SAMHD1: variants seen among roughly 807,000 people sequenced by gnomAD.
SAMHD1 encodes the protein SAM and HD domain containing deoxynucleoside triphosphate triphosphohydrolase 1.
SAMHD1 carries 54 observed loss-of-function variants against 79.6 expected under a neutral mutation model. The ratio of observed to expected loss-of-function variants is 0.68; its 90% CI spans 0.55 to 0.85. The LOEUF (loss-of-function observed/expected upper bound fraction) is 0.85, where lower values mean the gene tolerates loss of function less well. Among genes scored for constraint, SAMHD1 ranks in the 40% least tolerant of loss-of-function variants. The pLI is 0.00. For missense variants in SAMHD1, 663 were observed against 782.7 expected (o/e 0.85, Z 1.82); for synonymous variants, 260 against 264.1 (o/e 0.98, Z 0.15).
rs75103164 is a variant in SAMHD1, at chr20:36,899,743, C to T, written c.1504-1199G>A. On this transcript the variant is annotated intron_variant, in intron 13 of 15. Transcript: ENST00000646673. ...CTGGATTTAGCAACTCTGAAGTCAC[C>T]GGTGATTCTGGAGAGAGTACAGTGA... 1.8e-4 allele frequency among the ~76,000 whole-genome samples: 27 copies of T among 152,016 alleles called. 1 individual carries two copies. In the East Asian group the frequency reaches 5.2e-3, roughly 29 times the overall value.
In SAMHD1 at chr20:36,951,559, C is replaced by A. The variant is rs1194489910; in HGVS notation, c.85G>T (p.Glu29Ter). 1 of 1,614,220 alleles carries A rather than the reference C, an allele frequency of 6.2e-7. No individual in the cohort carries two copies. Among genetic ancestry groups the A allele is most frequent in the Admixed American group, 1.7e-5 (1 of 60,034 alleles). The change falls in exon 1 of 16, where the codon GAG becomes TAG. Residue 29 changes from glutamate (E) to a stop codon, truncating the protein, a stop_gained. Coordinates refer to ENST00000646673, the MANE Select transcript of SAMHD1 (RefSeq NM_015474.4). LOFTEE classifies it high-confidence loss of function. ...TCCAGGCCCGGGGACCAGTCTGCCT[C>A]TGCGGAAGGGGTGTTTGAGGGGGTT... ...PRTPSNTPSA[E>*]ADWSPGLELH...
At chr20:36,893,467 G>A in intron 15 of SAMHD1, 1 of 287,024 alleles carries the variant, frequency 3.5e-6, no homozygotes, top group Non-Finnish European at 6.5e-6. Context: ...CTACAAGATG[G>A]CAAAGAAGGG....
At chr20:36,944,889 C>T (rs2063675228) in intron 2 of SAMHD1, among the ~76,000 whole-genome samples, 1 of 151,946 alleles carries the variant, frequency 6.6e-6, no homozygotes, top group African/African-American at 2.4e-5. Context: ...AGCAAAACTC[C>T]GCTTCAAAAA....
chr20:36,946,892 C>T, intron 1 of SAMHD1, 88 bp from the exon 2 acceptor site: 2 of 1,054,312 alleles, frequency 1.9e-6, no homozygotes, highest in Non-Finnish European at 2.9e-6. Context: ...TACCCAGATC[C>T]ACATAAGTGA....
intron 15 of SAMHD1, among the ~76,000 whole-genome samples, chr20:36,895,855 A>T (rs1012535366): frequency 6.6e-6 from 1 of 152,070 alleles, no homozygotes; most frequent in Non-Finnish European, 1.5e-5. Flanking sequence ...AAGGGGGAAA[A>T]ATGGATGGCT....
At chr20:36,906,852 C>T (rs549654087) in intron 11 of SAMHD1, among the ~76,000 whole-genome samples, 73 of 150,984 alleles carry the variant, frequency 4.8e-4, no homozygotes, top group Middle Eastern at 6.8e-3. Flanking sequence ...AGTGCGGTGG[C>T]GTGATCTTGG....
intron 1 of SAMHD1, among the ~76,000 whole-genome samples, chr20:36,950,773 A>T (rs2063728493): frequency 6.6e-6 from 1 of 152,212 alleles, no homozygotes; most frequent in Non-Finnish European, 1.5e-5. Flanking sequence ...TGCAGTCAAC[A>T]CACGCCTATC....
chr20:36,936,277 C>A (rs1257315228), intron 3 of SAMHD1, among the ~76,000 whole-genome samples: 3 of 151,978 alleles, frequency 2.0e-5, no homozygotes, highest in Non-Finnish European at 4.4e-5. Flanking sequence ...TAATTTTGTA[C>A]AGCTGAACAA....
At position 36,927,162 on chromosome 20, in the gene SAMHD1, T is replaced by C. The variant is rs776975227; in HGVS notation, c.696+20A>G. The C allele has an allele frequency of 7.5e-6, 12 of 1,593,422 alleles. No homozygotes were observed. The highest frequency in any genetic ancestry group is 4.0e-5 in the African/African-American group (3 of 74,512). On this transcript the variant is annotated intron_variant, in intron 6 of 15. Transcript: ENST00000646673. Reference sequence around the variant, plus strand: ...AAATAGTCTTTCTTTTTATTGACTATTGACTGTATGAATACATACCGTCCA... The same window carrying C: ...AAATAGTCTTTCTTTTTATTGACTACTGACTGTATGAATACATACCGTCCA...
intron 13 of SAMHD1, among the ~76,000 whole-genome samples, chr20:36,901,102 G>T (rs189945110): frequency 5.8e-4 from 88 of 152,304 alleles, no homozygotes; most frequent in Admixed American, 1.8e-3. Context: ...GGAATCTGGT[G>T]CCTTAGAAAG....
intron 5 of SAMHD1, 87 bp from the exon 6 acceptor site, chr20:36,927,339 C>T (rs1250646105): frequency 6.5e-5 from 61 of 945,230 alleles, no homozygotes; most frequent in Non-Finnish European, 8.3e-5. Flanking sequence ...TTTTTTGAGA[C>T]GGAGTTTCGC....
intron 6 of SAMHD1, among the ~76,000 whole-genome samples, chr20:36,920,178 A>C (rs865995215): frequency 2.0e-5 from 3 of 152,132 alleles, no homozygotes; most frequent in Non-Finnish European, 1.5e-5. Context: ...CAGTGATGTG[A>C]TCATGGGGTC....
intron 1 of SAMHD1, among the ~76,000 whole-genome samples, chr20:36,947,405 G>GGTGTGTGTGTGTGTGATTTGGAAGAGGT: frequency 3.4e-5 from 1 of 29,122 alleles, no homozygotes; most frequent in African/African-American, 2.4e-4. Context: ...ATTTGGAAGA[G>GGTGTGTGTGTGTGTGATTTGGAAGAGGT]GTGTGTGTGT....
intron 9 of SAMHD1, among the ~76,000 whole-genome samples, chr20:36,916,343 T>G (rs185201483): frequency 6.7e-5 from 10 of 150,366 alleles, no homozygotes; most frequent in African/African-American, 2.0e-4. Flanking sequence ...AAATGATGCC[T>G]CATACAAGCC....
intron 1 of SAMHD1, among the ~76,000 whole-genome samples, chr20:36,948,465 C>G (rs992897383): frequency 2.2e-4 from 33 of 151,902 alleles, no homozygotes; most frequent in African/African-American, 7.7e-4. Flanking sequence ...GTTGGCCAGG[C>G]TGGGCTTGAA....
At chr20:36,918,629 C>T (rs1236593991) in intron 7 of SAMHD1, among the ~76,000 whole-genome samples, 1 of 151,202 alleles carries the variant, frequency 6.6e-6, no homozygotes, top group Non-Finnish European at 1.5e-5. Context: ...TGGTGAAACC[C>T]CGTCTCTACT....
intron 6 of SAMHD1, among the ~76,000 whole-genome samples, chr20:36,922,802 C>T (rs1477847396): frequency 6.6e-6 from 1 of 151,916 alleles, no homozygotes; most frequent in Non-Finnish European, 1.5e-5. Context: ...GCCACCCCAC[C>T]ATGCCTGGCT....
Position 36,900,287 on chromosome 20 carries a change from C to T in SAMHD1, c.1504-1743G>A, listed in dbSNP as rs141633526. On this transcript the variant is annotated intron_variant, in intron 13 of 15. Transcript: ENST00000646673. ...TTGACACAGAGCCTTGCTCTGTTGC[C>T]CAGGCTGGACTGCAGTGGCACAATC... Among the ~76,000 whole-genome samples, 1,240 of 152,146 alleles carry T rather than the reference C, an allele frequency of 8.2e-3. 9 individuals carry two copies. The highest frequency in any genetic ancestry group is 0.02 in the Middle Eastern group (6 of 294).
chr20:36,941,239 T>A, intron 2 of SAMHD1, 128 bp from the exon 3 acceptor site: 1 of 717,600 alleles, frequency 1.4e-6, no homozygotes, highest in Non-Finnish European at 2.5e-6. Flanking sequence ...GAACAATCAA[T>A]AATTCAAACA....
Sources: gnomAD v4.1 joint callset for allele counts (sites outside exome capture counted in the v4.1 genomes callset) on GRCh38, gnomAD v4.1.1 for gene constraint, MANE v1.5 for transcripts, NCBI Gene and HGNC (gene_info 2026-07-23, HGNC 2026-07-21) for gene names.